POU6F2: variants seen among roughly 807,000 people sequenced by gnomAD.
The protein encoded by POU6F2 is POU domain, class 6, transcription factor 2.
A neutral mutation model predicts 71.3 loss-of-function variants in POU6F2; 31 were observed. The ratio of observed to expected loss-of-function variants is 0.43; its 90% CI spans 0.33 to 0.59. The LOEUF is 0.59. Among genes scored for constraint, POU6F2 ranks in the 20% least tolerant of loss-of-function variants. The pLI is 0.04. For missense variants in POU6F2, 783 were observed against 856.8 expected (o/e 0.91, Z 1.07); for synonymous variants, 347 against 355.7 (o/e 0.98, Z 0.27).
At chr7:39,379,802 C>T (rs1786791121) in intron 5 of POU6F2, among the ~76,000 whole-genome samples, 3 of 152,204 alleles carry the variant, frequency 2.0e-5, no homozygotes, top group Non-Finnish European at 4.4e-5. Flanking sequence ...GAGAACTGTT[C>T]GCTTGGGCCA....
chr7:39,268,436 G>C (rs1050283376), intron 4 of POU6F2, among the ~76,000 whole-genome samples: 1 of 152,086 alleles, frequency 6.6e-6, no homozygotes, highest in Non-Finnish European at 1.5e-5. Flanking sequence ...GTACTGAGGC[G>C]GAAGGTGCTT....
chr7:39,275,822 A>G (rs62455869), intron 4 of POU6F2, among the ~76,000 whole-genome samples: 40,588 of 150,944 alleles, frequency 0.27, 6,250 homozygotes, highest in African/African-American at 0.42. Context: ...TATTTAATAA[A>G]TGGTGCTGGG....
intron 4 of POU6F2, among the ~76,000 whole-genome samples, chr7:39,265,482 ATT>A (rs1784222060): frequency 6.6e-6 from 1 of 152,212 alleles, no homozygotes; most frequent in African/African-American, 2.4e-5. Context: ...TTCTTAATAC[ATT>A]TAAACGTTTA....
intron 1 of POU6F2, among the ~76,000 whole-genome samples, chr7:39,018,605 G>C (rs1006634076): frequency 6.6e-6 from 1 of 152,052 alleles, no homozygotes; most frequent in African/African-American, 2.4e-5. Flanking sequence ...TGCTCCAGTG[G>C]AATCACATAG....
At chr7:39,439,805 G>C (rs1788347742) in intron 7 of POU6F2, among the ~76,000 whole-genome samples, 1 of 152,122 alleles carries the variant, frequency 6.6e-6, no homozygotes, top group Non-Finnish European at 1.5e-5. Flanking sequence ...GTGTGTTTTT[G>C]CAGTGGCTGG....
At chr7:39,170,838 C>T (rs1158319657) in intron 2 of POU6F2, among the ~76,000 whole-genome samples, 3 of 151,948 alleles carry the variant, frequency 2.0e-5, no homozygotes, top group Admixed American at 1.3e-4. Context: ...ATCAAAATAT[C>T]ACATGTGGCC....
At chr7:39,160,156 G>A (rs911936234) in intron 2 of POU6F2, among the ~76,000 whole-genome samples, 1 of 152,178 alleles carries the variant, frequency 6.6e-6, no homozygotes, top group African/African-American at 2.4e-5. Flanking sequence ...TGGCCAATAT[G>A]GAGCATATGT....
chr7:39,275,528 C>T (rs1380453484), intron 4 of POU6F2, among the ~76,000 whole-genome samples: 1 of 152,174 alleles, frequency 6.6e-6, no homozygotes, highest in Non-Finnish European at 1.5e-5. Flanking sequence ...CAATGACTTT[C>T]TTCACTGAAT....
chr7:39,360,837 C>T (rs530644734), intron 5 of POU6F2, among the ~76,000 whole-genome samples: 1 of 152,294 alleles, frequency 6.6e-6, no homozygotes, highest in African/African-American at 2.4e-5. Flanking sequence ...TGTAAACTCT[C>T]ATGGTGCTGG....
chr7:39,172,116 CAAGA>C (rs1314607456), intron 2 of POU6F2, among the ~76,000 whole-genome samples: 2 of 152,106 alleles, frequency 1.3e-5, no homozygotes, highest in African/African-American at 4.8e-5. Context: ...TCATCTTCCC[CAAGA>C]GATAGTCATT....
chr7:39,172,809 C>T (rs111390119), intron 2 of POU6F2, among the ~76,000 whole-genome samples: 7,447 of 152,094 alleles, frequency 0.049, 256 homozygotes, highest in Middle Eastern at 0.099. Context: ...TTTGTAGAGA[C>T]GGGGTTTCTC....
intron 5 of POU6F2, among the ~76,000 whole-genome samples, chr7:39,384,441 C>G (rs1178249837): frequency 6.6e-6 from 1 of 152,182 alleles, no homozygotes; most frequent in Non-Finnish European, 1.5e-5. Context: ...TGTAGGGCAA[C>G]AAATGAGTTA....
chr7:39,075,151 A>G (rs1790973142), intron 1 of POU6F2, among the ~76,000 whole-genome samples: 1 of 152,186 alleles, frequency 6.6e-6, no homozygotes, highest in African/African-American at 2.4e-5. Flanking sequence ...CTAGACCAGG[A>G]AGCACCTGGA....
chr7:39,256,137 C>CA (rs1784017150), intron 4 of POU6F2, among the ~76,000 whole-genome samples: 1 of 147,722 alleles, frequency 6.8e-6, no homozygotes, highest in Non-Finnish European at 1.5e-5. Context: ...TGATACACTG[C>CA]TTTTTTTTTT....
At chr7:39,163,035 G>T (rs560825850) in intron 2 of POU6F2, among the ~76,000 whole-genome samples, 19 of 152,242 alleles carry the variant, frequency 1.2e-4, no homozygotes, top group Admixed American at 7.9e-4. Context: ...GCTTTCTGAT[G>T]TCTGGCTTTA....
At chr7:39,396,642 C>T (rs916718711) in intron 5 of POU6F2, among the ~76,000 whole-genome samples, 1 of 152,222 alleles carries the variant, frequency 6.6e-6, no homozygotes, top group Non-Finnish European at 1.5e-5. Context: ...GAGCCACAGA[C>T]CATCTCAGTG....
chr7:39,174,239 A>C (rs1258304203), intron 2 of POU6F2, among the ~76,000 whole-genome samples: 2 of 152,216 alleles, frequency 1.3e-5, no homozygotes, highest in Non-Finnish European at 2.9e-5. Context: ...TATGAAAGGC[A>C]AATGCTCTTG....
intron 1 of POU6F2, among the ~76,000 whole-genome samples, chr7:38,996,145 T>C (rs960065170): frequency 6.6e-6 from 1 of 151,392 alleles, no homozygotes; most frequent in Non-Finnish European, 1.5e-5. Flanking sequence ...GTTCAAGCGA[T>C]TCTCCTGTCT....
chr7:39,043,428 G>C (rs1790230423), intron 1 of POU6F2, among the ~76,000 whole-genome samples: 1 of 151,954 alleles, frequency 6.6e-6, no homozygotes, highest in Admixed American at 6.6e-5. Context: ...AAACTCCCCT[G>C]TAATACTCAT....
Sources: allele counts gnomAD v4.1 joint callset (sites outside exome capture counted in the v4.1 genomes callset), GRCh38; gene constraint gnomAD v4.1.1; transcripts MANE v1.5; gene names NCBI Gene and HGNC (gene_info 2026-07-23, HGNC 2026-07-21).